The following GABBR2 variants were observed in gnomAD, a reference collection of about 807,000 sequenced individuals.
The protein encoded by GABBR2 is gamma-aminobutyric acid type B receptor subunit 2, also known as G-protein coupled receptor 51.
A neutral mutation model predicts 105.6 loss-of-function variants in GABBR2; 23 were observed. That is an observed-to-expected ratio of 0.22 (90% CI 0.16 to 0.31). The LOEUF (loss-of-function observed/expected upper bound fraction) is 0.31, where lower values mean the gene tolerates loss of function less well. GABBR2 is among the 10% of genes least tolerant of loss of function. The pLI is 1.00. For synonymous variants in GABBR2, 478 were observed against 499.7 expected (o/e 0.96, Z 0.58); for missense variants, 734 against 1,245.5 (o/e 0.59, Z 6.18).
At chr9:98,381,142 T>C (rs1029451785) in intron 11 of GABBR2, among the ~76,000 whole-genome samples, 1 of 152,214 alleles carries the variant, frequency 6.6e-6, no homozygotes, top group African/African-American at 2.4e-5. Context: ...CATGCAGCAC[T>C]CTCCCTGAGT....
intron 1 of GABBR2, among the ~76,000 whole-genome samples, chr9:98,665,188 G>A (rs1397978500): frequency 2.0e-5 from 3 of 152,132 alleles, no homozygotes; most frequent in Non-Finnish European, 4.4e-5. Flanking sequence ...AGGATCGCCT[G>A]AGCCTGGGAG....
In GABBR2 at chr9:98,690,910, C is replaced by A. The variant is rs148849641; in HGVS notation, c.321+17507G>T. Reference sequence around the variant, plus strand: ...GCACCAGCCTTCTGCCCTGTGACTGCACAGCCAGGCCTGCCAACCTGGCCT... The same window carrying A: ...GCACCAGCCTTCTGCCCTGTGACTGAACAGCCAGGCCTGCCAACCTGGCCT... On this transcript the variant is annotated intron_variant, in intron 1 of 18. Coordinates refer to ENST00000259455, the MANE Select transcript of GABBR2 (RefSeq NM_005458.8). Among the ~76,000 whole-genome samples, 54 of 152,344 alleles carry A rather than the reference C, an allele frequency of 3.5e-4. 1 individual carries two copies. In the East Asian group the frequency reaches 9.9e-3, roughly 28 times the overall value.
intron 11 of GABBR2, among the ~76,000 whole-genome samples, chr9:98,384,434 T>C (rs1832035637): frequency 6.6e-6 from 1 of 151,956 alleles, no homozygotes; most frequent in South Asian, 2.1e-4. Flanking sequence ...CTACTAAAAA[T>C]ATAAAATTAG....
At chr9:98,311,274 G>A in intron 13 of GABBR2, 69 bp from the exon 14 acceptor site, 1 of 941,122 alleles carries the variant, frequency 1.1e-6, no homozygotes, top group Non-Finnish European at 1.7e-6. Context: ...GTCCTTATCT[G>A]AGAGCCCTTT....
chr9:98,512,959 G>C (rs978340611), intron 3 of GABBR2, among the ~76,000 whole-genome samples: 1 of 151,480 alleles, frequency 6.6e-6, no homozygotes, highest in Non-Finnish European at 1.5e-5. Flanking sequence ...TCAATCCTAA[G>C]CCAAAAGAAC....
At chr9:98,573,538 C>A (rs1049725807) in intron 2 of GABBR2, among the ~76,000 whole-genome samples, 1 of 152,194 alleles carries the variant, frequency 6.6e-6, no homozygotes, top group African/African-American at 2.4e-5. Context: ...CCTGCCTTGG[C>A]CTCCCAAAGC....
rs549734385 is a variant in GABBR2, at chr9:98,513,618, A to G, written c.631-17104T>C. 2.2e-3 allele frequency among the ~76,000 whole-genome samples: 330 copies of G among 152,112 alleles called. 4 individuals are homozygous for G. The highest frequency in any genetic ancestry group is 6.8e-3 in the Middle Eastern group (2 of 294). The stretch of plus-strand genomic sequence containing the variant: ...GAAGGATATGAACAGACACTTCTCA[A>G]AAGAAGACATTTATGCAGCCAAAAA... On this transcript the variant is annotated intron_variant, in intron 3 of 18. Transcript: ENST00000259455.
At chr9:98,706,486 A>G (rs1352868890) in intron 1 of GABBR2, among the ~76,000 whole-genome samples, 3 of 152,190 alleles carry the variant, frequency 2.0e-5, no homozygotes, top group Non-Finnish European at 2.9e-5. Context: ...TATTCCCACG[A>G]ATTGAAGAGT....
chr9:98,341,818 A>G (rs1265307532), intron 13 of GABBR2, among the ~76,000 whole-genome samples: 1 of 152,192 alleles, frequency 6.6e-6, no homozygotes, highest in Admixed American at 6.5e-5. Context: ...GCTCTTGACA[A>G]AAGGTGAGGG....
At chr9:98,519,830 T>C (rs369163494) in intron 3 of GABBR2, among the ~76,000 whole-genome samples, 5 of 151,888 alleles carry the variant, frequency 3.3e-5, no homozygotes, top group African/African-American at 7.2e-5. Context: ...AATGAATGGG[T>C]GTGGCTATGT....
chr9:98,623,158 C>T (rs1195897944), intron 1 of GABBR2, among the ~76,000 whole-genome samples: 2 of 152,336 alleles, frequency 1.3e-5, no homozygotes, highest in Admixed American at 6.5e-5. Context: ...GGCGCGGTGG[C>T]TCATGCCTGT....
chr9:98,370,758 A>G (rs1831765501), intron 12 of GABBR2, among the ~76,000 whole-genome samples: 1 of 152,240 alleles, frequency 6.6e-6, no homozygotes, highest in Non-Finnish European at 1.5e-5. Context: ...GTACCACTGC[A>G]AGAGTTAAAG....
intron 14 of GABBR2, among the ~76,000 whole-genome samples, chr9:98,307,004 T>A (rs897249734): frequency 5.9e-5 from 9 of 152,136 alleles, no homozygotes; most frequent in African/African-American, 2.2e-4. Context: ...TGGAGTGGAA[T>A]GTGATGGGTG....
At chr9:98,428,869 C>A (rs1333547092) in intron 7 of GABBR2, among the ~76,000 whole-genome samples, 1 of 152,176 alleles carries the variant, frequency 6.6e-6, no homozygotes, top group Non-Finnish European at 1.5e-5. Flanking sequence ...AGATGGAGAG[C>A]TGGAGAAACC....
In GABBR2 at chr9:98,292,377, C is replaced by A. The variant is rs534359629; in HGVS notation, c.2660+1408G>T. Among the ~76,000 whole-genome samples, 23 of 152,356 alleles carry A rather than the reference C, an allele frequency of 1.5e-4. No homozygotes were observed. The South Asian group carries it at 4.8e-3, about 32-fold the overall frequency. On this transcript the variant is annotated intron_variant, in intron 18 of 18. Coordinates refer to ENST00000259455, the MANE Select transcript of GABBR2 (RefSeq NM_005458.8). ...AGCTGGAATTCTTGCTGCTTCTGTT[C>A]AACCACATTGTTTTGTGGTGGAGGC...
chr9:98,418,165 G>A lies in GABBR2; in HGVS notation c.1237-12024C>T, dbSNP rs558820429. 4.6e-5 allele frequency among the ~76,000 whole-genome samples: 7 copies of A among 152,288 alleles called. No homozygotes were observed. The East Asian group carries it at 1.3e-3, about 29-fold the overall frequency. ...ATGGATGGGCATGGGGGAAGGACTGGAAGCAAGGCAGCCAGTGGGAAGCTG... is the reference window on the plus strand; with the variant it reads ...ATGGATGGGCATGGGGGAAGGACTGAAAGCAAGGCAGCCAGTGGGAAGCTG... On this transcript the variant is annotated intron_variant, in intron 7 of 18. Transcript: ENST00000259455.
At chr9:98,557,909 A>G (rs1828612081) in intron 2 of GABBR2, among the ~76,000 whole-genome samples, 1 of 152,174 alleles carries the variant, frequency 6.6e-6, no homozygotes, top group South Asian at 2.1e-4. Context: ...TCAGGGATAC[A>G]TGGGATTACA....
At chr9:98,548,107 T>C (rs1828427691) in intron 2 of GABBR2, among the ~76,000 whole-genome samples, 1 of 121,216 alleles carries the variant, frequency 8.2e-6, no homozygotes, top group Non-Finnish European at 1.9e-5. Context: ...CTCCACTTCT[T>C]CTGAGTACTC....
rs540124944 is a variant in GABBR2 at position 98,601,870 on chromosome 9, T to C, written c.322-23798A>G. Among the ~76,000 whole-genome samples, 7 of 152,232 alleles carry C rather than the reference T, an allele frequency of 4.6e-5. No homozygotes were observed. In the South Asian group the frequency reaches 1.5e-3, roughly 32 times the overall value. ...GCCTGGAGATGCAAGTGTGGGGTAG[T>C]GGATGTCAAGCCCCAGCTGCCTGCG... is the stretch of plus-strand genomic sequence containing the variant. On this transcript the variant is annotated intron_variant, in intron 1 of 18. Coordinates refer to ENST00000259455, the MANE Select transcript of GABBR2 (RefSeq NM_005458.8).
Sources: allele counts gnomAD v4.1 joint callset (sites outside exome capture counted in the v4.1 genomes callset), GRCh38; gene constraint gnomAD v4.1.1; transcripts MANE v1.5; gene names NCBI Gene and HGNC (gene_info 2026-07-23, HGNC 2026-07-21).